The following BLTP1 variants were observed in gnomAD, a reference collection of about 807,000 sequenced individuals.
BLTP1 encodes fragile site-associated protein.
chr4:122,334,608 G>A, the BLTP1 span: 6 of 1,498,252 alleles, frequency 4.0e-6, no homozygotes, highest in Admixed American at 1.8e-5. Context: ...TTACCTACTT[G>A]CTCTTTTGAG....
chr4:122,239,481 A>G, the BLTP1 span: 6 of 1,461,942 alleles, frequency 4.1e-6, no homozygotes, highest in Middle Eastern at 1.8e-4. Context: ...TTTATGATGT[A>G]TAGAAAATGG....
chr4:122,320,390 A>G, the BLTP1 span, among the ~76,000 whole-genome samples: 4 of 152,076 alleles, frequency 2.6e-5, no homozygotes, highest in Admixed American at 6.6e-5. Flanking sequence ...GCCTCAGGCA[A>G]TCCTCCTGCT....
chr4:122,194,567 A>G, the BLTP1 span: 1 of 952,316 alleles, frequency 1.1e-6, no homozygotes, highest in Non-Finnish European at 1.3e-6. Context: ...ATATTGAGAA[A>G]TCTCAAGAAA....
the BLTP1 span, chr4:122,208,016 T>C: frequency 1.0e-6 from 1 of 985,190 alleles, no homozygotes; most frequent in Non-Finnish European, 1.2e-6. Flanking sequence ...AGTAGCTTTC[T>C]TCCTTTTATC....
chr4:122,240,764 A>G, the BLTP1 span, among the ~76,000 whole-genome samples: 1 of 152,320 alleles, frequency 6.6e-6, no homozygotes, highest in South Asian at 2.1e-4. Flanking sequence ...AGTTCTTATA[A>G]TTCAGTATGA....
chr4:122,249,799 T>C, the BLTP1 span: 1 of 1,448,580 alleles, frequency 6.9e-7, no homozygotes, highest in Non-Finnish European at 9.2e-7. Flanking sequence ...AAGCAGAAAG[T>C]GTGGTATCTG....
the BLTP1 span, chr4:122,301,248 T>A: frequency 6.8e-7 from 1 of 1,479,776 alleles, no homozygotes; most frequent in Non-Finnish European, 9.0e-7. Context: ...CACAAAATAG[T>A]TATTTTTTTT....
chr4:122,189,045 A>C, the BLTP1 span: 1 of 984,842 alleles, frequency 1.0e-6, no homozygotes, highest in African/African-American at 1.7e-5. Flanking sequence ...TGTGCACACA[A>C]ATGTGTATGA....
chr4:122,208,723 C>A, the BLTP1 span: 5 of 873,740 alleles, frequency 5.7e-6, no homozygotes, highest in Admixed American at 1.2e-4. Flanking sequence ...AAATCTTATT[C>A]ATTATTTACC....
the BLTP1 span, chr4:122,224,483 CATT>C: frequency 1.2e-6 from 2 of 1,606,332 alleles, no homozygotes; most frequent in Non-Finnish European, 1.7e-6. Context: ...ACAGTCTCAT[CATT>C]ATTGTTTTCA....
At chr4:122,348,840 T>G in the BLTP1 span, 1 of 668,402 alleles carries the variant, frequency 1.5e-6, no homozygotes, top group African/African-American at 1.9e-5. Context: ...AGATAAACGA[T>G]ATAAAATGTT....
chr4:122,295,030 G>A, the BLTP1 span, among the ~76,000 whole-genome samples: 1 of 152,130 alleles, frequency 6.6e-6, no homozygotes, highest in Non-Finnish European at 1.5e-5. Flanking sequence ...CTTGAAGACT[G>A]TCTTTCTGAA....
the BLTP1 span, chr4:122,254,783 A>AAAT: frequency 6.7e-7 from 1 of 1,489,712 alleles, no homozygotes; most frequent in East Asian, 2.5e-5. Flanking sequence ...TGTTTTTATA[A>AAAT]TTTTTTATTT....
chr4:122,241,283 C>T, the BLTP1 span, among the ~76,000 whole-genome samples: 1 of 152,012 alleles, frequency 6.6e-6, no homozygotes, highest in Non-Finnish European at 1.5e-5. Flanking sequence ...TCAGCATGCC[C>T]GAGAAATAGT....
At chr4:122,293,121 A>AT in the BLTP1 span, 1 of 964,176 alleles carries the variant, frequency 1.0e-6, no homozygotes, top group Admixed American at 6.1e-5. Flanking sequence ...AGTATAGAGG[A>AT]TATGATGCAC....
chr4:122,361,981 A>G, the BLTP1 span: 3 of 1,584,860 alleles, frequency 1.9e-6, no homozygotes, highest in Non-Finnish European at 2.6e-6. Context: ...CATTAGAACC[A>G]TGCTTTAGGG....
At chr4:122,350,210 A>AGTACCAGTATCTCACTC in the BLTP1 span, 4 of 1,434,604 alleles carry the variant, frequency 2.8e-6, no homozygotes, top group Admixed American at 5.8e-5. Context: ...TCAGTTAGCA[A>AGTACCAGTATCTCACTC]AGGACCAGAA....
At chr4:122,355,866 G>A in the BLTP1 span, 8,702 of 1,612,802 alleles carry the variant, frequency 5.4e-3, 38 homozygotes, top group Admixed American at 6.9e-3. Context: ...ATTCTAGTTT[G>A]TTGAGTGGAT....
chr4:122,325,331 T>C, the BLTP1 span: 257 of 1,596,178 alleles, frequency 1.6e-4, 4 homozygotes, highest in South Asian at 2.6e-3. Context: ...GTAAGAGATA[T>C]ATAATTTGTT....
Sources: gnomAD v4.1 joint callset for allele counts (sites outside exome capture counted in the v4.1 genomes callset) on GRCh38, gnomAD v4.1.1 for gene constraint, MANE v1.5 for transcripts, NCBI Gene and HGNC (gene_info 2026-07-23, HGNC 2026-07-21) for gene names.